The following EVX2 variants were observed in gnomAD, a reference collection of about 807,000 sequenced individuals.
EVX2 encodes even-skipped homeobox 2.
Under a neutral mutation model 19.2 loss-of-function variants are expected in EVX2, and 10 were observed. The observed-to-expected ratio is 0.52, with a 90% CI of 0.32 to 0.89. The LOEUF (loss-of-function observed/expected upper bound fraction) is 0.89, where lower values mean the gene tolerates loss of function less well. Ranked by LOEUF, EVX2 falls within the 40% of genes least tolerant of loss-of-function variation. The pLI is 0.03. For missense variants in EVX2, 710 were observed against 694.9 expected (o/e 1.02, Z -0.24); for synonymous variants, 354 against 328.4 (o/e 1.08, Z -0.84).
Position 176,079,896 on chromosome 2 carries a change from T to G in EVX2, c.*211A>C. On this transcript the variant is annotated 3_prime_UTR_variant, in exon 3 of 3. Transcript: ENST00000308618. The surrounding 1 kb of genome is among the most constrained non-coding windows in gnomAD (Gnocchi z 4.4). ...GACGGCTGGGTGGCAAATACAAAAA[T>G]AGAAATAATTTAGGGGGATGCCCGC... The G allele has an allele frequency of 2.2e-6, 1 of 455,452 alleles. No homozygotes were observed. Among genetic ancestry groups the G allele is most frequent in the Non-Finnish European group, 3.7e-6 (1 of 272,572 alleles). The allele number at this position is 455,452 out of a possible 1,614,324, so 28.2% of individuals were successfully genotyped here.
chr2:176,083,418 A>C lies in EVX2; in HGVS notation c.359T>G (p.Val120Gly), dbSNP rs1187831572. ...AEADMSSDVE[V>G]GCSALRSPGG... ...GGGGGAGCGAAGCGCGGAGCAGCCC[A>C]CCTCCACGTCGCTGCTCATGTCGGC... The change falls in exon 1 of 3, where the codon GTG becomes GGG. Residue 120 changes from valine to glycine, a missense_variant. Val to Gly is a moderately radical substitution (Grantham distance 109). Transcript: ENST00000308618. This position sits in a 1 kb window ranked among gnomAD's most constrained non-coding sequence, Gnocchi z 4.4. 5 of 1,613,424 alleles carry C rather than the reference A, an allele frequency of 3.1e-6. No homozygotes were observed. In the Admixed American group the frequency reaches 8.3e-5, roughly 27 times the overall value.
chr2:176,080,780 G>A lies in EVX2; in HGVS notation c.758C>T (p.Pro253Leu), dbSNP rs776856614. Residue 253 changes from proline (P) to leucine (L), a missense_variant, in exon 3 of 3, where the codon CCG (proline) becomes CTG (leucine). Pro to Leu is a moderately conservative substitution (Grantham distance 98). Coordinates refer to ENST00000308618, the MANE Select transcript of EVX2 (RefSeq NM_001080458.2). The surrounding 1 kb of genome is among the most constrained non-coding windows in gnomAD (Gnocchi z 7.0). Reference sequence around the variant, plus strand: ...GTAGAAGCTGGGGTCGGCTGGGTGCGGCCAGGACATGGCCAGGCGCTGCCG... The same window carrying A: ...GTAGAAGCTGGGGTCGGCTGGGTGCAGCCAGGACATGGCCAGGCGCTGCCG... Reference protein sequence around the residue: ...DKRQRLAMSWPHPADPSFYTY... With the variant: ...DKRQRLAMSWLHPADPSFYTY... 2.5e-6 allele frequency: 4 copies of A among 1,611,142 alleles called. No individual in the cohort carries two copies. The highest frequency in any genetic ancestry group is 3.3e-5 in the Admixed American group (2 of 59,912).
chr2:176,080,150 A>G lies in EVX2; in HGVS notation c.1388T>C (p.Val463Ala). 6.5e-7 allele frequency: 1 copy of G among 1,546,292 alleles called. No homozygotes were observed. The highest frequency in any genetic ancestry group is 8.7e-7 in the Non-Finnish European group (1 of 1,151,108). The change falls in exon 3 of 3, where the codon GTG (valine) becomes GCG (alanine). Residue 463 changes from valine to alanine, a missense_variant. Physicochemically the swap from Val to Ala is moderately conservative, Grantham distance 64. Transcript: ENST00000308618. This position sits in a 1 kb window ranked among gnomAD's most constrained non-coding sequence, Gnocchi z 7.0. The stretch of plus-strand genomic sequence containing the variant: ...CTCGTCCCTCTGGTCCGGCGGGCTC[A>G]CGGCCGTCTTACTAAGCACCGCGGC... Reference protein sequence around the residue: ...YSAAVLSKTAVSPPDQRDEAP... With the variant: ...YSAAVLSKTAASPPDQRDEAP...
chr2:176,083,330 G>C lies in EVX2; in HGVS notation c.427+20C>G, dbSNP rs368061397. 8.3e-5 allele frequency: 129 copies of C among 1,556,054 alleles called. No homozygotes were observed. The African/African-American group carries it at 1.6e-3, about 20-fold the overall frequency. ...CAAAGAGGATGGGACTGGAGAGCGC[G>C]GTGCGGCCGGCGCGGTTACCTTTGC... is the stretch of plus-strand genomic sequence containing the variant. On this transcript the variant is annotated intron_variant, in intron 1 of 2. Coordinates refer to ENST00000308618, the MANE Select transcript of EVX2 (RefSeq NM_001080458.2). The surrounding 1 kb of genome is among the most constrained non-coding windows in gnomAD (Gnocchi z 4.4).
chr2:176,080,365 A>G lies in EVX2; in HGVS notation c.1173T>C (p.Ser391=). ...CCGCCGCCGACTGACTGCTGTGGCAACTGAGGCACGAGCAGGGTGCAGAGC... is the reference window on the plus strand; with the variant it reads ...CCGCCGCCGACTGACTGCTGTGGCAGCTGAGGCACGAGCAGGGTGCAGAGC... ...SGGSAPCSCL[S]CHSSQSAAAA... is the part of the protein sequence containing the mutation. The change falls in exon 3 of 3, where the codon AGT becomes AGC. Residue 391 remains serine, a synonymous_variant. Coordinates refer to ENST00000308618, the MANE Select transcript of EVX2 (RefSeq NM_001080458.2). This position sits in a 1 kb window ranked among gnomAD's most constrained non-coding sequence, Gnocchi z 7.0. 8.1e-7 allele frequency: 1 copy of G among 1,231,436 alleles called. No homozygotes were observed. The allele number at this position is 1,231,436 out of a possible 1,614,324, so 76.3% of individuals were successfully genotyped here.
At position 176,082,590 on chromosome 2, in the gene EVX2, C is replaced by A; in HGVS notation, c.428-141G>T. Reference sequence around the variant, plus strand: ...TGGGGTCTGTCATGCTTACAAATTGCTGCCGTTAATGGAATCAATAAAGTT... The same window carrying A: ...TGGGGTCTGTCATGCTTACAAATTGATGCCGTTAATGGAATCAATAAAGTT... On this transcript the variant is annotated intron_variant, in intron 1 of 2. Coordinates refer to ENST00000308618, the MANE Select transcript of EVX2 (RefSeq NM_001080458.2). The surrounding 1 kb of genome is among the most constrained non-coding windows in gnomAD (Gnocchi z 5.2). 2.2e-6 allele frequency: 2 copies of A among 908,474 alleles called. No individual in the cohort carries two copies. Among genetic ancestry groups the A allele is most frequent in the Non-Finnish European group, 3.1e-6 (2 of 648,092 alleles). 56.3% of individuals were successfully genotyped at this position (908,474 alleles called of 1,614,324 possible).
At position 176,082,649 on chromosome 2, in the gene EVX2, GA is replaced by G. The variant is rs1455158753; in HGVS notation, c.428-201del. 4.6e-5 allele frequency among the ~76,000 whole-genome samples: 7 copies of G among 152,182 alleles called. No homozygotes were observed. The highest frequency in any genetic ancestry group is 1.0e-4 in the Non-Finnish European group (7 of 68,030). On this transcript the variant is annotated intron_variant, in intron 1 of 2. Transcript: ENST00000308618. The surrounding 1 kb of genome is among the most constrained non-coding windows in gnomAD (Gnocchi z 5.2). ...CCTTCATAAGCAAATAATAGAAACG[GA>G]ATTAGGAGATTTCTTTTTTAATAAT...
At position 176,083,196 on chromosome 2, in the gene EVX2, T is replaced by C. The variant is rs1310967133; in HGVS notation, c.427+154A>G. On this transcript the variant is annotated intron_variant, in intron 1 of 2. Coordinates refer to ENST00000308618, the MANE Select transcript of EVX2 (RefSeq NM_001080458.2). The surrounding 1 kb of genome is among the most constrained non-coding windows in gnomAD (Gnocchi z 4.4). Reference sequence around the variant, plus strand: ...CAAGGAGCAGAACTGGAAGGCACGGTCCCAGACATGCGTCCCGCCCCCGCC... The same window carrying C: ...CAAGGAGCAGAACTGGAAGGCACGGCCCCAGACATGCGTCCCGCCCCCGCC... 3.3e-5 allele frequency among the ~76,000 whole-genome samples: 5 copies of C among 152,088 alleles called. No individual in the cohort carries two copies. The highest frequency in any genetic ancestry group is 2.9e-5 in the Non-Finnish European group (2 of 68,014).
Position 176,083,711 on chromosome 2 carries a change from G to T in EVX2, c.66C>A (p.Gly22=). ...MERGLHSPTA[G]KRFSNLSNSA... ...AGTTGGACAAATTGGAGAATCTCTTGCCCGCCGTAGGGCTGTGCAGCCCTC... is the reference window on the plus strand; with the variant it reads ...AGTTGGACAAATTGGAGAATCTCTTTCCCGCCGTAGGGCTGTGCAGCCCTC... Residue 22 remains glycine, a synonymous_variant, in exon 1 of 3, where the codon GGC becomes GGA. Coordinates refer to ENST00000308618, the MANE Select transcript of EVX2 (RefSeq NM_001080458.2). The surrounding 1 kb of genome is among the most constrained non-coding windows in gnomAD (Gnocchi z 4.4). The T allele has an allele frequency of 6.2e-7, 1 of 1,613,890 alleles. No homozygotes were observed. The highest frequency in any genetic ancestry group is 2.2e-5 in the East Asian group (1 of 44,872).
chr2:176,082,875 G>A lies in EVX2; in HGVS notation c.428-426C>T, dbSNP rs1369704704. ...CAGTAGCTCAAACCCAAGCCAATAG[G>A]GGGTGAAATATACTTTTCAACTCTT... On this transcript the variant is annotated intron_variant, in intron 1 of 2. Transcript: ENST00000308618. The surrounding 1 kb of genome is among the most constrained non-coding windows in gnomAD (Gnocchi z 5.2). 6.6e-6 allele frequency among the ~76,000 whole-genome samples: 1 copy of A among 152,148 alleles called. No individual in the cohort carries two copies.
In EVX2 at chr2:176,079,931, G is replaced by T; in HGVS notation, c.*176C>A. 3.5e-6 allele frequency: 2 copies of T among 579,206 alleles called. No homozygotes were observed. The highest frequency in any genetic ancestry group is 5.3e-6 in the Non-Finnish European group (2 of 378,440). 35.9% of individuals were successfully genotyped at this position (579,206 alleles called of 1,614,324 possible). A position where few individuals can be genotyped will look rare whatever the true frequency, so the allele number is the denominator to read the frequency against. ...TTAGGGGGATGCCCGCCAGGCTTTT[G>T]CGCCTGCTCCTTCTCCCCCAATTCG... On this transcript the variant is annotated 3_prime_UTR_variant, in exon 3 of 3. Coordinates refer to ENST00000308618, the MANE Select transcript of EVX2 (RefSeq NM_001080458.2). The surrounding 1 kb of genome is among the most constrained non-coding windows in gnomAD (Gnocchi z 4.4).
chr2:176,080,053 A>G lies in EVX2; in HGVS notation c.*54T>C. 8 of 1,466,674 alleles carry G rather than the reference A, an allele frequency of 5.5e-6. No homozygotes were observed. The highest frequency in any genetic ancestry group is 7.2e-6 in the Non-Finnish European group (8 of 1,106,070). 90.9% of individuals were successfully genotyped at this position (1,466,674 alleles called of 1,614,324 possible). On this transcript the variant is annotated 3_prime_UTR_variant, in exon 3 of 3. Coordinates refer to ENST00000308618, the MANE Select transcript of EVX2 (RefSeq NM_001080458.2). The surrounding 1 kb of genome is among the most constrained non-coding windows in gnomAD (Gnocchi z 7.0). ...GGAGGGCTCAGGGGGCGCACAGGGG[A>G]CTCCCGGGCACACTCAGAGAGGCGG... is the stretch of plus-strand genomic sequence containing the variant.
In EVX2 at chr2:176,082,235, C is replaced by T. The variant is rs781605883; in HGVS notation, c.642G>A (p.Ser214=). The T allele has an allele frequency of 3.1e-6, 5 of 1,602,296 alleles. No homozygotes were observed. The Admixed American group carries it at 6.7e-5, about 21-fold the overall frequency. The change falls in exon 2 of 3, where the codon TCG becomes TCA. Residue 214 remains serine, a synonymous_variant. Transcript: ENST00000308618. The surrounding 1 kb of genome is among the most constrained non-coding windows in gnomAD (Gnocchi z 5.2). ...CGGCCAGCTCGCACCGGCGGGGCCG[C>T]GACACATAGTTCTCCCGGTAGAACT... ...EKEFYRENYV[S]RPRRCELAAA...
rs1471902940 is a variant in EVX2, at chr2:176,080,428, GGCCGCAGCCGCTGCGGCT to G, written c.1092_1109del (p.Ala365_Ala370del). On this transcript the variant is annotated inframe_deletion, in exon 3 of 3. Coordinates refer to ENST00000308618, the MANE Select transcript of EVX2 (RefSeq NM_001080458.2). The surrounding 1 kb of genome is among the most constrained non-coding windows in gnomAD (Gnocchi z 7.0). ...GCGCGCCGGCCGCCGCCGCCGAGGA[GGCCGCAGCCGCTGCGGCT>G]GCCGCGGCTGCCGCGGCAGAGGCCG... 2.7e-6 allele frequency: 3 copies of G among 1,106,382 alleles called. No homozygotes were observed. The highest frequency in any genetic ancestry group is 1.0e-4 in the Admixed American group (2 of 19,484). 68.5% of individuals were successfully genotyped at this position (1,106,382 alleles called of 1,614,324 possible). A position where few individuals can be genotyped will look rare whatever the true frequency, so the allele number is the denominator to read the frequency against.
chr2:176,080,267 C>A lies in EVX2; in HGVS notation c.1271G>T (p.Gly424Val). The A allele has an allele frequency of 7.6e-7, 1 of 1,313,534 alleles. No individual in the cohort carries two copies. The highest frequency in any genetic ancestry group is 2.0e-5 in the South Asian group (1 of 50,022). The allele number at this position is 1,313,534 out of a possible 1,614,324, so 81.4% of individuals were successfully genotyped here. A position where few individuals can be genotyped will look rare whatever the true frequency, so the allele number is the denominator to read the frequency against. ...CCCGGCCCCGGCGCCCCCGCCGCCG[C>A]CGCCACCACCACCACCGCCGCCGCC... ...GGGGGGGGGG[G>V]GGGGAGAGGG... is the part of the protein sequence containing the mutation. The change falls in exon 3 of 3, where the codon GGC becomes GTC. Residue 424 changes from glycine (G) to valine (V), a missense_variant. Coordinates refer to ENST00000308618, the MANE Select transcript of EVX2 (RefSeq NM_001080458.2). The surrounding 1 kb of genome is among the most constrained non-coding windows in gnomAD (Gnocchi z 7.0).
chr2:176,080,645 G>T lies in EVX2; in HGVS notation c.893C>A (p.Ala298Glu). 1.3e-6 allele frequency: 2 copies of T among 1,561,458 alleles called. No homozygotes were observed. ...PHVGVTAAAA[A>E]AAASGAAAAA... The stretch of plus-strand genomic sequence containing the variant: ...GGCCGCCGCGCCTGAGGCTGCAGCC[G>T]CGGCCGCCGCCGCCGTGACGCCCAC... Residue 298 changes from alanine (A) to glutamate (E), a missense_variant, in exon 3 of 3, where the codon GCG becomes GAG. Transcript: ENST00000308618. This position sits in a 1 kb window ranked among gnomAD's most constrained non-coding sequence, Gnocchi z 7.0.
In EVX2 at chr2:176,080,269, G is replaced by GCCACCACCA; in HGVS notation, c.1260_1268dup (p.Gly426_Gly428dup). On this transcript the variant is annotated inframe_insertion, in exon 3 of 3. Coordinates refer to ENST00000308618, the MANE Select transcript of EVX2 (RefSeq NM_001080458.2). The surrounding 1 kb of genome is among the most constrained non-coding windows in gnomAD (Gnocchi z 7.0). ...CGGCCCCGGCGCCCCCGCCGCCGCC[G>GCCACCACCA]CCACCACCACCACCGCCGCCGCCAC... 1 of 1,286,694 alleles carries GCCACCACCA rather than the reference G, an allele frequency of 7.8e-7. No individual in the cohort carries two copies. 79.7% of individuals were successfully genotyped at this position (1,286,694 alleles called of 1,614,324 possible). A position where few individuals can be genotyped will look rare whatever the true frequency, so the allele number is the denominator to read the frequency against.
chr2:176,083,296 G>C lies in EVX2; in HGVS notation c.427+54C>G. On this transcript the variant is annotated intron_variant, in intron 1 of 2. Transcript: ENST00000308618. The surrounding 1 kb of genome is among the most constrained non-coding windows in gnomAD (Gnocchi z 4.4). ...GCACCGGGAAAGGCTGGCGGGGGCC[G>C]CGGAGGAGCAAAGAGGATGGGACTG... is the stretch of plus-strand genomic sequence containing the variant. 1.3e-6 allele frequency: 2 copies of C among 1,508,066 alleles called. No individual in the cohort carries two copies. Among genetic ancestry groups the C allele is most frequent in the Non-Finnish European group, 1.8e-6 (2 of 1,119,602 alleles). 93.4% of individuals were successfully genotyped at this position (1,508,066 alleles called of 1,614,324 possible). A position where few individuals can be genotyped will look rare whatever the true frequency, so the allele number is the denominator to read the frequency against.
rs1437647141 is a variant in EVX2 at position 176,080,890 on chromosome 2, A to G, written c.700-52T>C. On this transcript the variant is annotated intron_variant, in intron 2 of 2. Transcript: ENST00000308618. The surrounding 1 kb of genome is among the most constrained non-coding windows in gnomAD (Gnocchi z 7.0). ...GGGTTAGGGAGCGCCCCGTGTTCCCAGCTCCTGTCCCAGGACCTCTGCCCC... is the reference window on the plus strand; with the variant it reads ...GGGTTAGGGAGCGCCCCGTGTTCCCGGCTCCTGTCCCAGGACCTCTGCCCC... The G allele has an allele frequency of 1.9e-6, 3 of 1,564,542 alleles. No homozygotes were observed. The highest frequency in any genetic ancestry group is 2.7e-5 in the African/African-American group (2 of 73,900).
Sources: gnomAD v4.1 joint callset for allele counts (sites outside exome capture counted in the v4.1 genomes callset) on GRCh38, gnomAD v4.1.1 for gene constraint, Gnocchi (gnomAD v3.1) non-coding constraint, MANE v1.5 for transcripts, NCBI Gene and HGNC (gene_info 2026-07-23, HGNC 2026-07-21) for gene names.